Variants in EPB41L4A observed in about 807,000 individuals in gnomAD.
EPB41L4A encodes erythrocyte membrane protein band 4.1 like 4A.
In EPB41L4A, 100 loss-of-function variants were observed where a neutral mutation model predicts 108.6. That is an observed-to-expected ratio of 0.92 (90% CI 0.78 to 1.09). The LOEUF is 1.09. Ranked by LOEUF, EPB41L4A falls within the 50% of genes least tolerant of loss-of-function variation. The pLI, the probability that EPB41L4A is intolerant of heterozygous loss-of-function variation, is 0.00. For synonymous variants in EPB41L4A, 319 were observed against 289.0 expected (o/e 1.10, Z -1.05); for missense variants, 1,030 against 842.7 (o/e 1.22, Z -2.75).
rs751243779 is a variant in EPB41L4A at position 112,234,691 on chromosome 5, C to G, written c.1030G>C (p.Val344Leu). ...SIQLPRPDQNVTRSRSKTYPK... is the reference protein window; with the variant it reads ...SIQLPRPDQNLTRSRSKTYPK... ...TAAGTCTTGCTTCGACTTCTTGTCA[C>G]ATTCTGATCAGGCCGGGGAAGCTGA... Residue 344 changes from valine to leucine, a missense_variant, in exon 12 of 23, where the codon GTG (valine) becomes CTG (leucine). Transcript: ENST00000261486. 2 of 1,613,798 alleles carry G rather than the reference C, an allele frequency of 1.2e-6. No individual in the cohort carries two copies. The highest frequency in any genetic ancestry group is 1.7e-6 in the Non-Finnish European group (2 of 1,179,764).
At chr5:112,317,822 A>G (rs9326852) in intron 1 of EPB41L4A, among the ~76,000 whole-genome samples, 90,536 of 152,042 alleles carry the variant, frequency 0.6, 28,410 homozygotes, top group African/African-American at 0.8. Context: ...TTTTTTAAAT[A>G]GGTTTTTTGG....
intron 12 of EPB41L4A, among the ~76,000 whole-genome samples, chr5:112,217,155 G>A (rs1301066027): frequency 6.6e-6 from 1 of 151,982 alleles, no homozygotes; most frequent in Admixed American, 6.6e-5. Context: ...TGTTGCCCAG[G>A]CTGGTCTTGA....
chr5:112,239,860 C>T (rs562088889), intron 10 of EPB41L4A, 123 bp from the exon 11 acceptor site: 14 of 519,258 alleles, frequency 2.7e-5, no homozygotes, highest in African/African-American at 1.2e-4. Context: ...ACTTCTCCAA[C>T]ATCATGCAAT....
At chr5:112,376,685 T>C (rs2112576901) in intron 1 of EPB41L4A, among the ~76,000 whole-genome samples, 1 of 152,246 alleles carries the variant, frequency 6.6e-6, no homozygotes, top group Non-Finnish European at 1.5e-5. Context: ...CCATGGAACA[T>C]TACTCATCAA....
chr5:112,314,021 G>T (rs775395538), intron 1 of EPB41L4A, among the ~76,000 whole-genome samples: 8 of 151,718 alleles, frequency 5.3e-5, no homozygotes, highest in African/African-American at 1.9e-4. Context: ...CCACCACCAT[G>T]CCCGGCTAAT....
intron 1 of EPB41L4A, among the ~76,000 whole-genome samples, chr5:112,372,258 G>C (rs980870496): frequency 1.3e-5 from 2 of 152,186 alleles, no homozygotes; most frequent in African/African-American, 4.8e-5. Context: ...GAGAATGAGA[G>C]CCAGCAGGGG....
chr5:112,198,985 C>A (rs1424651077), intron 15 of EPB41L4A, among the ~76,000 whole-genome samples: 1 of 152,102 alleles, frequency 6.6e-6, no homozygotes, highest in African/African-American at 2.4e-5. Flanking sequence ...CAAATGCAGG[C>A]GTTCATGGCT....
chr5:112,270,671 T>C (rs1752203173), intron 4 of EPB41L4A, among the ~76,000 whole-genome samples: 1 of 152,132 alleles, frequency 6.6e-6, no homozygotes, highest in African/African-American at 2.4e-5. Flanking sequence ...CTGAGGTAGA[T>C]GAGGACCATT....
At chr5:112,262,623 C>A (rs1293138855) in intron 6 of EPB41L4A, 42 bp from the exon 7 acceptor site, 1 of 1,498,564 alleles carries the variant, frequency 6.7e-7, no homozygotes. Flanking sequence ...TTTACAGCAG[C>A]TACTGCACTT....
At chr5:112,296,806 T>C (rs974184141) in intron 2 of EPB41L4A, among the ~76,000 whole-genome samples, 3 of 152,106 alleles carry the variant, frequency 2.0e-5, no homozygotes, top group Non-Finnish European at 4.4e-5. Context: ...ATCATTCTTA[T>C]GCCTTTGCAT....
intron 1 of EPB41L4A, among the ~76,000 whole-genome samples, chr5:112,365,896 G>A (rs760900291): frequency 1.3e-5 from 2 of 152,144 alleles, no homozygotes; most frequent in African/African-American, 2.4e-5. Flanking sequence ...ATTTCAAAAT[G>A]ATCAGCGCAA....
At chr5:112,265,726 C>T (rs899186252) in intron 5 of EPB41L4A, among the ~76,000 whole-genome samples, 5 of 152,172 alleles carry the variant, frequency 3.3e-5, no homozygotes, top group African/African-American at 1.2e-4. Context: ...GTAGTCTCAG[C>T]CTCAGTCTCC....
chr5:112,419,055 C>G lies in EPB41L4A; in HGVS notation c.-16G>C, dbSNP rs561096969. The stretch of plus-strand genomic sequence containing the variant: ...AACAGCCCATGTCGGTTGTGGTCGT[C>G]TCCAGCCAGGAGAGAAAGCTACCAC... On this transcript the variant is annotated 5_prime_UTR_variant, in exon 1 of 23. Coordinates refer to ENST00000261486, the MANE Select transcript of EPB41L4A (RefSeq NM_022140.5). The G allele has an allele frequency of 6.2e-7, 1 of 1,606,302 alleles. No homozygotes were observed. The highest frequency in any genetic ancestry group is 1.7e-5 in the Admixed American group (1 of 59,918).
chr5:112,291,794 T>C (rs551293921), intron 2 of EPB41L4A, among the ~76,000 whole-genome samples: 17 of 152,178 alleles, frequency 1.1e-4, no homozygotes, highest in Admixed American at 4.6e-4. Flanking sequence ...CAGGAGGGCA[T>C]AGAAGTTCCA....
At chr5:112,357,206 A>G (rs1758411209) in intron 1 of EPB41L4A, among the ~76,000 whole-genome samples, 1 of 152,206 alleles carries the variant, frequency 6.6e-6, no homozygotes, top group Non-Finnish European at 1.5e-5. Flanking sequence ...TCTGGAAATA[A>G]TAATTGTCAT....
At chr5:112,381,311 G>A (rs189053350) in intron 1 of EPB41L4A, among the ~76,000 whole-genome samples, 159 of 152,280 alleles carry the variant, frequency 1.0e-3, no homozygotes, top group African/African-American at 3.5e-3. Context: ...AATGATAATT[G>A]CTTATAATTC....
chr5:112,333,308 A>C (rs1284048798), intron 1 of EPB41L4A, among the ~76,000 whole-genome samples: 4 of 149,378 alleles, frequency 2.7e-5, no homozygotes, highest in Non-Finnish European at 4.5e-5. Flanking sequence ...AGATGTCAAA[A>C]AGGGGGGAAG....
intron 1 of EPB41L4A, among the ~76,000 whole-genome samples, chr5:112,389,420 G>A (rs1488055190): frequency 1.3e-5 from 2 of 152,280 alleles, no homozygotes; most frequent in East Asian, 3.9e-4. Flanking sequence ...AAACAAAACA[G>A]AGTTGTTATC....
intron 17 of EPB41L4A, among the ~76,000 whole-genome samples, chr5:112,190,485 C>G (rs1761641647): frequency 6.6e-6 from 1 of 151,884 alleles, no homozygotes; most frequent in African/African-American, 2.4e-5. Flanking sequence ...TAAAAATAAC[C>G]AAAGGTATAA....
Sources: allele counts gnomAD v4.1 joint callset (sites outside exome capture counted in the v4.1 genomes callset), GRCh38; gene constraint gnomAD v4.1.1; transcripts MANE v1.5; gene names NCBI Gene and HGNC (gene_info 2026-07-23, HGNC 2026-07-21).